Variants in KIAA1549 observed in about 807,000 individuals in gnomAD.
KIAA1549 encodes KIAA1549.
KIAA1549 carries 70 observed loss-of-function variants against 156.4 expected under a neutral mutation model. The observed-to-expected ratio is 0.45, with a 90% CI of 0.37 to 0.55. The LOEUF is 0.55. Among genes scored for constraint, KIAA1549 ranks in the 20% least tolerant of loss-of-function variants. KIAA1549 has a pLI of 0.00. For missense variants in KIAA1549, 2,428 were observed against 2,540.9 expected (o/e 0.96, Z 0.96); for synonymous variants, 1,103 against 1,066.4 (o/e 1.03, Z -0.67).
chr7:138,852,238 G>A lies in KIAA1549; in HGVS notation c.5279C>T (p.Thr1760Met), dbSNP rs201894165. 1.9e-4 allele frequency: 303 copies of A among 1,610,394 alleles called. No homozygotes were observed. The highest frequency in any genetic ancestry group is 2.4e-4 in the Non-Finnish European group (285 of 1,177,374). ...AAAACCTTACCTTGGCAATGGACCC[G>A]TCGGGGGAGTCATTCCATAGTCTTC... ...RYEDYGMTPPTGPLPRPGFGP... is the reference protein window; with the variant it reads ...RYEDYGMTPPMGPLPRPGFGP... Residue 1760 changes from threonine to methionine, a missense_variant, in exon 17 of 20, where the codon ACG becomes ATG. By Grantham distance (81) the Thr-to-Met change is moderately conservative. Coordinates refer to ENST00000422774, the MANE Select transcript of KIAA1549 (RefSeq NM_001164665.2).
intron 16 of KIAA1549, among the ~76,000 whole-genome samples, chr7:138,854,780 A>T (rs115856291): frequency 0.01 from 1,540 of 152,310 alleles, 17 homozygotes; most frequent in African/African-American, 0.035. Context: ...GGTGTTTATT[A>T]AAAAAATCTT....
In KIAA1549 at chr7:138,881,407, T is replaced by G. The variant is rs1220003118; in HGVS notation, c.4210A>C (p.Asn1404His). The change falls in exon 11 of 20, where the codon AAT becomes CAT. Residue 1404 changes from asparagine to histidine, a missense_variant. Around this residue, in one of 5 missense-constraint regions of KIAA1549, gnomAD observed 404 missense variants for 417.0 expected, o/e 0.97. Coordinates refer to ENST00000422774, the MANE Select transcript of KIAA1549 (RefSeq NM_001164665.2). Reference protein sequence around the residue: ...PSPKSKIPSKNVRHRGRVSPS... With the variant: ...PSPKSKIPSKHVRHRGRVSPS... ...AATAACCTTCCTCTGTGACGAACAT[T>G]CTTGGAAGGGATCTTTGACTTGGGG... 8 of 1,613,624 alleles carry G rather than the reference T, an allele frequency of 5.0e-6. No homozygotes were observed. Among genetic ancestry groups the G allele is most frequent in the Non-Finnish European group, 6.8e-6 (8 of 1,179,836 alleles).
chr7:138,951,264 C>T (rs1001706052), intron 1 of KIAA1549, among the ~76,000 whole-genome samples: 1 of 152,122 alleles, frequency 6.6e-6, no homozygotes, highest in Non-Finnish European at 1.5e-5. Context: ...GAATCCCGGA[C>T]AGGGCATCAC....
intron 1 of KIAA1549, among the ~76,000 whole-genome samples, chr7:138,960,314 T>G (rs1318756755): frequency 1.3e-5 from 2 of 151,882 alleles, no homozygotes; most frequent in African/African-American, 2.4e-5. Context: ...TTTATTTATT[T>G]ATTTATTTAT....
rs530916422 is a variant in KIAA1549, at chr7:138,925,376, C to T, written c.188-5938G>A. ...AGACCTAGGCCAATCCCTCATGGTG[C>T]AAATAAAGCTCAAAATAGCACCCGC... is the stretch of plus-strand genomic sequence containing the variant. On this transcript the variant is annotated intron_variant, in intron 1 of 19. Coordinates refer to ENST00000422774, the MANE Select transcript of KIAA1549 (RefSeq NM_001164665.2). 3.3e-5 allele frequency among the ~76,000 whole-genome samples: 5 copies of T among 152,160 alleles called. No homozygotes were observed. The East Asian group carries it at 9.7e-4, about 29-fold the overall frequency.
At position 138,831,487 on chromosome 7, in the gene KIAA1549, ACT is replaced by A. The variant is rs1455716322; in HGVS notation, c.*6417_*6418del. On this transcript the variant is annotated 3_prime_UTR_variant, in exon 20 of 20. Coordinates refer to ENST00000422774, the MANE Select transcript of KIAA1549 (RefSeq NM_001164665.2). ...AATACTTGCATAAATTATTTCAAAA[ACT>A]CTACAGCACATTAGAAAACAGTGCA... 1 of 214,474 alleles carries A rather than the reference ACT, an allele frequency of 4.7e-6. No individual in the cohort carries two copies. The highest frequency in any genetic ancestry group is 7.0e-5 in the East Asian group (1 of 14,350). 13.3% of individuals were successfully genotyped at this position (214,474 alleles called of 1,614,324 possible).
At chr7:138,972,819 GT>G (rs1238813635) in intron 1 of KIAA1549, among the ~76,000 whole-genome samples, 4 of 149,452 alleles carry the variant, frequency 2.7e-5, no homozygotes, top group Non-Finnish European at 5.9e-5. Flanking sequence ...CACTGCTTTT[GT>G]TTTGTTTTGT....
rs1336206742 is a variant in KIAA1549 at position 138,836,721 on chromosome 7, A to T, written c.*1185T>A. ...GACAATTTTAATAGCCACTCGACAG[A>T]GTAACAGCACAATAAAATCAGAAAT... On this transcript the variant is annotated 3_prime_UTR_variant, in exon 20 of 20. Coordinates refer to ENST00000422774, the MANE Select transcript of KIAA1549 (RefSeq NM_001164665.2). 4.1e-5 allele frequency: 9 copies of T among 219,010 alleles called. No homozygotes were observed. Among genetic ancestry groups the T allele is most frequent in the Non-Finnish European group, 6.4e-5 (7 of 109,182 alleles). 13.6% of individuals were successfully genotyped at this position (219,010 alleles called of 1,614,324 possible).
intron 4 of KIAA1549, 126 bp from the exon 5 acceptor site, chr7:138,909,247 G>T: frequency 1.1e-6 from 1 of 922,348 alleles, no homozygotes; most frequent in African/African-American, 1.7e-5. Flanking sequence ...ATTAAGTACT[G>T]TGATGTAACA....
At chr7:138,876,542 A>T (rs1397014212) in intron 12 of KIAA1549, 1 of 152,224 alleles carries the variant, frequency 6.6e-6, no homozygotes, top group Non-Finnish European at 1.5e-5. Flanking sequence ...GAATTTGTGG[A>T]ATTCAAATGA....
intron 12 of KIAA1549, among the ~76,000 whole-genome samples, chr7:138,878,381 A>G (rs1192291742): frequency 6.6e-6 from 1 of 152,242 alleles, no homozygotes; most frequent in African/African-American, 2.4e-5. Context: ...CAGTCTGTTC[A>G]TTTCTAGAAT....
chr7:138,913,381 C>T (rs1331442311), intron 2 of KIAA1549, among the ~76,000 whole-genome samples: 1 of 152,090 alleles, frequency 6.6e-6, no homozygotes, highest in Non-Finnish European at 1.5e-5. Context: ...AAGCCTAGTT[C>T]TGTTTGACTG....
At chr7:138,937,885 A>AG (rs1201500188) in intron 1 of KIAA1549, among the ~76,000 whole-genome samples, 2 of 152,330 alleles carry the variant, frequency 1.3e-5, no homozygotes, top group Admixed American at 6.5e-5. Context: ...GACACCATCA[A>AG]GGAAGGTGGG....
At position 138,838,029 on chromosome 7, in the gene KIAA1549, G is replaced by C. The variant is rs767053561; in HGVS notation, c.5730C>G (p.Tyr1910Ter). 6.2e-7 allele frequency: 1 copy of C among 1,608,170 alleles called. No homozygotes were observed. Among genetic ancestry groups the C allele is most frequent in the Non-Finnish European group, 8.5e-7 (1 of 1,177,556 alleles). The part of the protein sequence containing the change: ...HRGLQGPGLG[Y>*]PTSSTEDLQP... ...GGAGGTCTTCCGTGGAGCTGGTGGG[G>C]TAACCCAGCCCAGGGCCCTGCAGTC... The change falls in exon 20 of 20, where the codon TAC (tyrosine) becomes TAG (stop). Residue 1910 changes from tyrosine to a stop codon, truncating the protein, a stop_gained. Coordinates refer to ENST00000422774, the MANE Select transcript of KIAA1549 (RefSeq NM_001164665.2). LOFTEE classifies it high-confidence loss of function.
chr7:138,951,151 C>T (rs1178047790), intron 1 of KIAA1549, among the ~76,000 whole-genome samples: 3 of 152,040 alleles, frequency 2.0e-5, no homozygotes, highest in Admixed American at 1.3e-4. Flanking sequence ...CTGCAACCTC[C>T]GCCTCTCCAG....
At chr7:138,963,348 T>C (rs953133569) in intron 1 of KIAA1549, among the ~76,000 whole-genome samples, 1 of 152,104 alleles carries the variant, frequency 6.6e-6, no homozygotes, top group Non-Finnish European at 1.5e-5. Context: ...CCACTGAGAT[T>C]TGGAAACTTT....
chr7:138,904,960 A>C, intron 7 of KIAA1549, 62 bp downstream of exon 7: 1 of 1,010,548 alleles, frequency 9.9e-7, no homozygotes, highest in African/African-American at 1.6e-5. Context: ...CATCATTCTC[A>C]ATACGCCTGC....
chr7:138,925,431 G>A (rs550616611), intron 1 of KIAA1549, among the ~76,000 whole-genome samples: 1 of 152,240 alleles, frequency 6.6e-6, no homozygotes, highest in Non-Finnish European at 1.5e-5. Context: ...ACAGGTTCCT[G>A]CCTTCCCAGG....
In KIAA1549 at chr7:138,943,933, A is replaced by AT. The variant is rs566032611; in HGVS notation, c.188-24496dup. ...GCACACTTAAATCTACTCTCTTAGCATTTTTTTTTTTTTAATAGAGACAGG... is the reference window on the plus strand; with the variant it reads ...GCACACTTAAATCTACTCTCTTAGCATTTTTTTTTTTTTTAATAGAGACAGG... On this transcript the variant is annotated intron_variant, in intron 1 of 19. Coordinates refer to ENST00000422774, the MANE Select transcript of KIAA1549 (RefSeq NM_001164665.2). 2.2e-3 allele frequency among the ~76,000 whole-genome samples: 311 copies of AT among 143,552 alleles called. 2 individuals are homozygous for AT. Among genetic ancestry groups the AT allele is most frequent in the South Asian group, 0.013 (60 of 4,462 alleles). 94.2% of individuals were successfully genotyped at this position (143,552 alleles called of 152,430 possible).
Sources: gnomAD v4.1 joint callset for allele counts (sites outside exome capture counted in the v4.1 genomes callset) on GRCh38, gnomAD v4.1.1 for gene constraint, gnomAD v4.1.1 regional missense constraint, MANE v1.5 for transcripts, NCBI Gene and HGNC (gene_info 2026-07-23, HGNC 2026-07-21) for gene names.